Variants in GPC5 observed in about 807,000 individuals in gnomAD.
GPC5 encodes glypican-5.
In GPC5, 47 loss-of-function variants were observed where a neutral mutation model predicts 53.9. The ratio of observed to expected loss-of-function variants is 0.87; its 90% CI spans 0.69 to 1.11. GPC5 has a LOEUF of 1.11. Ranked by LOEUF, GPC5 falls within the 50% of genes most tolerant of loss-of-function variation. The pLI is 0.00. For synonymous variants in GPC5, 286 were observed against 263.3 expected (o/e 1.09, Z -0.84); for missense variants, 748 against 713.1 (o/e 1.05, Z -0.56).
At chr13:92,364,501 C>T (rs1332968363) in intron 7 of GPC5, among the ~76,000 whole-genome samples, 6 of 151,764 alleles carry the variant, frequency 4.0e-5, no homozygotes, top group African/African-American at 1.2e-4. Flanking sequence ...GAGGCCAAGG[C>T]GGGTGGATCA....
chr13:91,759,907 A>T (rs1022661869), intron 5 of GPC5, among the ~76,000 whole-genome samples: 1 of 152,162 alleles, frequency 6.6e-6, no homozygotes, highest in South Asian at 2.1e-4. Flanking sequence ...TTTCAAAAAA[A>T]TAAAATAGAT....
At chr13:92,019,857 T>C (rs2040742109) in intron 6 of GPC5, among the ~76,000 whole-genome samples, 1 of 152,124 alleles carries the variant, frequency 6.6e-6, no homozygotes, top group Non-Finnish European at 1.5e-5. Flanking sequence ...CTTTGAATAA[T>C]TCATTAGTTT....
At chr13:92,198,792 G>T (rs1230064587) in intron 7 of GPC5, among the ~76,000 whole-genome samples, 1 of 152,080 alleles carries the variant, frequency 6.6e-6, no homozygotes, top group Non-Finnish European at 1.5e-5. Flanking sequence ...CTGACAATTT[G>T]GGGAGAGTAG....
chr13:92,643,566 T>C (rs1308491013), intron 7 of GPC5, among the ~76,000 whole-genome samples: 1 of 142,878 alleles, frequency 7.0e-6, no homozygotes, highest in Non-Finnish European at 1.5e-5. Context: ...GATGAGTTCA[T>C]GTCCTTTGTA....
chr13:92,539,686 C>T (rs576749317), intron 7 of GPC5, among the ~76,000 whole-genome samples: 2 of 151,750 alleles, frequency 1.3e-5, no homozygotes, highest in Non-Finnish European at 2.9e-5. Context: ...CCTTTCCAAC[C>T]TTCCCCTTCT....
At chr13:91,434,808 C>T (rs1879782800) in intron 1 of GPC5, among the ~76,000 whole-genome samples, 1 of 152,140 alleles carries the variant, frequency 6.6e-6, no homozygotes, top group African/African-American at 2.4e-5. Flanking sequence ...ATTGATTCTT[C>T]CTATCCATGA....
At chr13:92,401,685 A>T (rs1044962815) in intron 7 of GPC5, among the ~76,000 whole-genome samples, 2 of 152,144 alleles carry the variant, frequency 1.3e-5, no homozygotes, top group Non-Finnish European at 2.9e-5. Context: ...TTCATTATGA[A>T]ATTCTTACAG....
intron 7 of GPC5, among the ~76,000 whole-genome samples, chr13:92,661,966 T>C (rs1391521509): frequency 6.6e-6 from 1 of 152,138 alleles, no homozygotes; most frequent in Non-Finnish European, 1.5e-5. Flanking sequence ...CCTCTCCCCA[T>C]TCCATATTCA....
rs1205508616 is a variant in GPC5, at chr13:92,071,892, G to T, written c.1402-72938G>T. Among the ~76,000 whole-genome samples, 22 of 144,762 alleles carry T rather than the reference G, an allele frequency of 1.5e-4. No homozygotes were observed. The South Asian group carries it at 3.6e-3, about 24-fold the overall frequency. The allele number at this position is 144,762 out of a possible 152,430, so 95.0% of individuals were successfully genotyped here. A position where few individuals can be genotyped will look rare whatever the true frequency, so the allele number is the denominator to read the frequency against. On this transcript the variant is annotated intron_variant, in intron 6 of 7. Transcript: ENST00000377067. ...TATAAATATTATATATGTATAAAAT[G>T]TATTATTTTATACATATATGTATAT...
At position 91,398,990 on chromosome 13, in the gene GPC5, AG is replaced by A; in HGVS notation, c.-54del. Reference sequence around the variant, plus strand: ...TGTCTTCCACGTCTGCAGCTCAGCCAGGGCGCGCAGGGCGAGTGGGGTCCAC... The same window carrying A: ...TGTCTTCCACGTCTGCAGCTCAGCCAGGCGCGCAGGGCGAGTGGGGTCCAC... On this transcript the variant is annotated 5_prime_UTR_variant, in exon 1 of 8. Transcript: ENST00000377067. The A allele has an allele frequency of 4.0e-6, 6 of 1,517,666 alleles. No homozygotes were observed. In the East Asian group the frequency reaches 1.0e-4, roughly 25 times the overall value. 94.0% of individuals were successfully genotyped at this position (1,517,666 alleles called of 1,614,324 possible).
intron 7 of GPC5, among the ~76,000 whole-genome samples, chr13:92,285,597 A>G (rs1488127292): frequency 6.6e-6 from 1 of 152,132 alleles, no homozygotes; most frequent in Admixed American, 6.5e-5. Flanking sequence ...CACATCTACA[A>G]CCATCTGATC....
chr13:91,611,882 C>G (rs1408163622), intron 2 of GPC5, among the ~76,000 whole-genome samples: 1 of 152,156 alleles, frequency 6.6e-6, no homozygotes, highest in Admixed American at 6.6e-5. Flanking sequence ...CACTGCTGGG[C>G]CTCTGTGTTG....
At chr13:91,994,084 A>G (rs1261644149) in intron 6 of GPC5, among the ~76,000 whole-genome samples, 2 of 152,234 alleles carry the variant, frequency 1.3e-5, no homozygotes, top group Non-Finnish European at 2.9e-5. Context: ...TGAACAGTAT[A>G]TGCCACTTTG....
At chr13:92,307,358 G>T (rs1452731669) in intron 7 of GPC5, among the ~76,000 whole-genome samples, 1 of 152,132 alleles carries the variant, frequency 6.6e-6, no homozygotes, top group Non-Finnish European at 1.5e-5. Context: ...GGAGGCTGAG[G>T]CAGGAGATTC....
At chr13:92,440,430 A>G (rs1877502250) in intron 7 of GPC5, among the ~76,000 whole-genome samples, 1 of 151,900 alleles carries the variant, frequency 6.6e-6, no homozygotes, top group Non-Finnish European at 1.5e-5. Flanking sequence ...CAAAGGCGTG[A>G]TTTTCTTCTT....
At chr13:91,910,979 G>T (rs1157073723) in intron 6 of GPC5, among the ~76,000 whole-genome samples, 4 of 152,124 alleles carry the variant, frequency 2.6e-5, no homozygotes, top group Admixed American at 1.3e-4. Context: ...AGGCCACTCA[G>T]GGGGAGATGT....
chr13:92,339,573 G>C lies in GPC5; in HGVS notation c.1561+194584G>C, dbSNP rs116604903. Among the ~76,000 whole-genome samples the C allele has an allele frequency of 5.6e-3, 854 of 152,088 alleles. 8 individuals carry two copies. The highest frequency in any genetic ancestry group is 0.02 in the African/African-American group (819 of 41,510). On this transcript the variant is annotated intron_variant, in intron 7 of 7. Transcript: ENST00000377067. ...AAATAGTATTATAACTACCCAATTA[G>C]CTAGCAGTGTCCAATCTGTAGTATG...
At chr13:92,217,202 A>T (rs1021705724) in intron 7 of GPC5, among the ~76,000 whole-genome samples, 2 of 152,092 alleles carry the variant, frequency 1.3e-5, no homozygotes, top group Non-Finnish European at 2.9e-5. Context: ...AGTTTACGCC[A>T]CTCATATTCA....
intron 6 of GPC5, among the ~76,000 whole-genome samples, chr13:92,120,675 A>C (rs2041641851): frequency 6.6e-6 from 1 of 152,238 alleles, no homozygotes; most frequent in African/African-American, 2.4e-5. Flanking sequence ...TAACACATTT[A>C]TACATATGTA....
Sources: gnomAD v4.1 joint callset for allele counts (sites outside exome capture counted in the v4.1 genomes callset) on GRCh38, gnomAD v4.1.1 for gene constraint, MANE v1.5 for transcripts, NCBI Gene and HGNC (gene_info 2026-07-23, HGNC 2026-07-21) for gene names.